The following PALLD variants were observed in gnomAD, a reference collection of about 807,000 sequenced individuals.
The protein encoded by PALLD is palladin.
PALLD carries 61 observed loss-of-function variants against 123.5 expected under a neutral mutation model. That is an observed-to-expected ratio of 0.49 (90% confidence interval 0.40 to 0.61). PALLD has a LOEUF of 0.61. Ranked by LOEUF, PALLD falls within the 20% of genes least tolerant of loss-of-function variation. The pLI is 0.00. For missense variants in PALLD, 1,273 were observed against 1,377.0 expected (o/e 0.92, Z 1.20); for synonymous variants, 465 against 496.4 (o/e 0.94, Z 0.84).
intron 2 of PALLD, among the ~76,000 whole-genome samples, chr4:168,611,965 GCCT>G (rs1407914181): frequency 3.3e-5 from 5 of 152,134 alleles, no homozygotes; most frequent in Non-Finnish European, 5.9e-5. Context: ...TTCAAGACCA[GCCT>G]GGGCAACATG....
intron 10 of PALLD, among the ~76,000 whole-genome samples, chr4:168,782,631 C>T (rs944531279): frequency 4.6e-5 from 7 of 151,986 alleles, no homozygotes; most frequent in African/African-American, 9.7e-5. Context: ...ATTTACAGGC[C>T]GGTCACGGTG....
intron 10 of PALLD, among the ~76,000 whole-genome samples, chr4:168,723,787 A>G (rs1042763188): frequency 6.6e-6 from 1 of 152,166 alleles, no homozygotes; most frequent in African/African-American, 2.4e-5. Flanking sequence ...GCCATTTCCA[A>G]TATAATTACT....
intron 10 of PALLD, among the ~76,000 whole-genome samples, chr4:168,821,842 C>G (rs1378397011): frequency 1.4e-5 from 2 of 143,642 alleles, no homozygotes; most frequent in African/African-American, 5.2e-5. Flanking sequence ...ATCGTGCCAT[C>G]ACACTCCAGC....
At chr4:168,596,832 G>T (rs567623677) in intron 2 of PALLD, among the ~76,000 whole-genome samples, 3 of 151,798 alleles carry the variant, frequency 2.0e-5, no homozygotes, top group Non-Finnish European at 2.9e-5. Context: ...AAAATATCTA[G>T]GTTTTTATGT....
intron 9 of PALLD, among the ~76,000 whole-genome samples, chr4:168,709,542 GGAAGGAAGGAAGGAAGGAAGGAAGGA>G (rs1784546111): frequency 0.052 from 48 of 930 alleles, 6 homozygotes; most frequent in Non-Finnish European, 0.077. Context: ...AAGGAAGGAA[GGAAGGAAGGAAGGAAGGAAGGAAGGA>G]AGGAAGGAAG....
chr4:168,578,146 T>G (rs1334983782), intron 2 of PALLD, among the ~76,000 whole-genome samples: 1 of 152,120 alleles, frequency 6.6e-6, no homozygotes, highest in Non-Finnish European at 1.5e-5. Flanking sequence ...CTACATTATC[T>G]TCTAGGGTCA....
intron 2 of PALLD, among the ~76,000 whole-genome samples, chr4:168,541,322 A>G (rs1372726980): frequency 6.6e-6 from 1 of 152,160 alleles, no homozygotes; most frequent in African/African-American, 2.4e-5. Context: ...TCCAACAACA[A>G]AATTCAGCCC....
chr4:168,762,450 G>A (rs947514304), intron 10 of PALLD, among the ~76,000 whole-genome samples: 9 of 152,098 alleles, frequency 5.9e-5, no homozygotes, highest in Admixed American at 1.3e-4. Context: ...TTCAGCCTGG[G>A]CGACTGGAGT....
intron 9 of PALLD, among the ~76,000 whole-genome samples, chr4:168,710,340 T>C (rs1421392863): frequency 6.6e-6 from 1 of 152,212 alleles, no homozygotes; most frequent in Non-Finnish European, 1.5e-5. Flanking sequence ...AGCATTAGCT[T>C]ACTTTAATTG....
intron 3 of PALLD, among the ~76,000 whole-genome samples, chr4:168,677,290 G>C (rs1247566087): frequency 6.6e-6 from 1 of 151,824 alleles, no homozygotes; most frequent in Non-Finnish European, 1.5e-5. Flanking sequence ...GGCTGGCACA[G>C]AGAGGGAGAT....
chr4:168,569,750 G>C (rs1417827338), intron 2 of PALLD, among the ~76,000 whole-genome samples: 2 of 152,138 alleles, frequency 1.3e-5, no homozygotes, highest in East Asian at 3.9e-4. Flanking sequence ...GGCATATGGT[G>C]AATCTACATC....
chr4:168,784,501 GGA>G (rs1238564872), intron 10 of PALLD, among the ~76,000 whole-genome samples: 3 of 152,226 alleles, frequency 2.0e-5, no homozygotes, highest in African/African-American at 7.2e-5. Context: ...GTGCCCAAGT[GGA>G]GACAGCCTGA....
chr4:168,921,406 C>CAAAA (rs5863967), intron 17 of PALLD, 128 bp from the exon 18 acceptor site: 193 of 362,128 alleles, frequency 5.3e-4, no homozygotes, highest in East Asian at 9.1e-4. Context: ...AAACTCTGTC[C>CAAAA]AAAAAAAAAA....
chr4:168,719,987 G>A (rs1180525951), intron 10 of PALLD, among the ~76,000 whole-genome samples: 1 of 152,130 alleles, frequency 6.6e-6, no homozygotes, highest in Non-Finnish European at 1.5e-5. Context: ...CCATTGATGG[G>A]CATTAGGTTG....
intron 3 of PALLD, among the ~76,000 whole-genome samples, chr4:168,669,640 CTGATG>C (rs1779983602): frequency 6.6e-6 from 1 of 152,104 alleles, no homozygotes; most frequent in Non-Finnish European, 1.5e-5. Context: ...GTAACGATTA[CTGATG>C]ACTAAAAGTA....
At chr4:168,768,274 TC>T in intron 10 of PALLD, among the ~76,000 whole-genome samples, 1 of 152,336 alleles carries the variant, frequency 6.6e-6, no homozygotes, top group East Asian at 1.9e-4. Context: ...CAAACTTTAG[TC>T]TATTGTCCAA....
chr4:168,755,232 CAAAAA>C (rs34076268), intron 10 of PALLD, among the ~76,000 whole-genome samples: 1 of 104,540 alleles, frequency 9.6e-6, no homozygotes, highest in Non-Finnish European at 2.0e-5. Context: ...GACTCCGTCT[CAAAAA>C]AAAAAAAAAA....
intron 8 of PALLD, among the ~76,000 whole-genome samples, chr4:168,699,619 C>T (rs895360196): frequency 1.6e-4 from 24 of 151,442 alleles, no homozygotes; most frequent in Non-Finnish European, 2.2e-4. Context: ...CTTGCTGCCT[C>T]ATCATTTTAT....
At chr4:168,872,660 T>C (rs1187676976) in intron 10 of PALLD, among the ~76,000 whole-genome samples, 1 of 152,222 alleles carries the variant, frequency 6.6e-6, no homozygotes, top group Non-Finnish European at 1.5e-5. Flanking sequence ...TACATTCTCA[T>C]TTGTCTTTTA....
Sources: allele counts gnomAD v4.1 joint callset (sites outside exome capture counted in the v4.1 genomes callset), GRCh38; gene constraint gnomAD v4.1.1; transcripts MANE v1.5; gene names NCBI Gene and HGNC (gene_info 2026-07-23, HGNC 2026-07-21).